The following TAOK3 variants were observed in gnomAD, a reference collection of about 807,000 sequenced individuals.
TAOK3 encodes TAO kinase 3.
A neutral mutation model predicts 120.4 loss-of-function variants in TAOK3; 40 were observed. The ratio of observed to expected loss-of-function variants is 0.33; its 90% CI spans 0.26 to 0.43. The LOEUF is 0.43. Ranked by LOEUF, TAOK3 falls within the 20% of genes least tolerant of loss-of-function variation. TAOK3 has a pLI of 1.00. For missense variants in TAOK3, 821 were observed against 1,112.1 expected (o/e 0.74, Z 3.72); for synonymous variants, 355 against 387.5 (o/e 0.92, Z 0.99).
intron 13 of TAOK3, among the ~76,000 whole-genome samples, chr12:118,194,612 C>CTTTTTTT (rs58866768): frequency 2.0e-5 from 2 of 98,172 alleles, no homozygotes; most frequent in African/African-American, 7.4e-5. Flanking sequence ...AAGGACATTT[C>CTTTTTTT]TTTTTTTTTT....
intron 1 of TAOK3, among the ~76,000 whole-genome samples, chr12:118,340,977 C>T (rs1310238314): frequency 6.6e-6 from 1 of 151,054 alleles, no homozygotes; most frequent in Non-Finnish European, 1.5e-5. Context: ...ATTAACTCTA[C>T]CATTAATATA....
intron 14 of TAOK3, among the ~76,000 whole-genome samples, chr12:118,188,885 T>C (rs543088565): frequency 1.3e-5 from 2 of 152,174 alleles, no homozygotes; most frequent in South Asian, 4.1e-4. Context: ...AAGCAAAAGA[T>C]TAAAGAGAGT....
intron 1 of TAOK3, among the ~76,000 whole-genome samples, chr12:118,311,938 A>G (rs2043279708): frequency 6.6e-6 from 1 of 152,186 alleles, no homozygotes; most frequent in South Asian, 2.1e-4. Context: ...AAATAAAACC[A>G]CTAATGAAAT....
intron 14 of TAOK3, among the ~76,000 whole-genome samples, chr12:118,188,988 G>T (rs1327771856): frequency 1.3e-5 from 2 of 152,168 alleles, no homozygotes; most frequent in Non-Finnish European, 2.9e-5. Flanking sequence ...AGGGGAGGAG[G>T]CATGAAAACT....
intron 9 of TAOK3, among the ~76,000 whole-genome samples, chr12:118,225,245 T>G (rs1321679978): frequency 2.6e-5 from 1 of 38,064 alleles, no homozygotes; most frequent in East Asian, 7.7e-4. Flanking sequence ...CGAGACTGTC[T>G]CAAAAAAAAA....
chr12:118,301,835 C>G (rs1240364838), intron 1 of TAOK3, among the ~76,000 whole-genome samples: 2 of 133,300 alleles, frequency 1.5e-5, no homozygotes, highest in Non-Finnish European at 3.1e-5. Context: ...GAGTGAGACT[C>G]CATCTCAAAA....
At chr12:118,181,286 A>G (rs1593065662) in intron 15 of TAOK3, 85 bp downstream of exon 15, 1 of 1,174,850 alleles carries the variant, frequency 8.5e-7, no homozygotes, top group Admixed American at 2.0e-5. Flanking sequence ...TCCATCCCCC[A>G]CTCCTGCCTC....
In TAOK3 at chr12:118,240,391, C is replaced by A. The variant is rs1388596208; in HGVS notation, c.295-1119G>T. ...ACGGGGTTTCTCCATGTTGGTCAGG[C>A]TGGTCTCAAACTCCTGACCTCAGGT... On this transcript the variant is annotated intron_variant, in intron 5 of 20. Transcript: ENST00000392533. Among the ~76,000 whole-genome samples the A allele has an allele frequency of 2.0e-5, 3 of 152,030 alleles. No individual in the cohort carries two copies. In the East Asian group the frequency reaches 5.8e-4, roughly 29 times the overall value.
At chr12:118,203,704 CAAAAAAA>C (rs35135077) in intron 11 of TAOK3, among the ~76,000 whole-genome samples, 1 of 127,132 alleles carries the variant, frequency 7.9e-6, no homozygotes, top group Non-Finnish European at 1.6e-5. Context: ...AACTCCATCT[CAAAAAAA>C]AAAAAAAAAG....
intron 9 of TAOK3, among the ~76,000 whole-genome samples, chr12:118,231,968 AT>A (rs1212803880): frequency 6.6e-6 from 1 of 152,030 alleles, no homozygotes; most frequent in Non-Finnish European, 1.5e-5. Flanking sequence ...TTAAAAACTG[AT>A]TTTTTAAAAA....
intron 11 of TAOK3, among the ~76,000 whole-genome samples, chr12:118,205,562 T>A (rs1485600071): frequency 6.6e-6 from 1 of 152,078 alleles, no homozygotes; most frequent in Admixed American, 6.6e-5. Context: ...CTTTCTAAAA[T>A]ACAGGTATGA....
At chr12:118,245,573 CT>C (rs1343620014) in intron 3 of TAOK3, among the ~76,000 whole-genome samples, 3 of 152,158 alleles carry the variant, frequency 2.0e-5, no homozygotes, top group African/African-American at 7.2e-5. Context: ...CCGCCTCAGC[CT>C]CCCAAAGTGC....
At chr12:118,177,499 C>CA (rs199778098) in intron 15 of TAOK3, among the ~76,000 whole-genome samples, 170 bp from the exon 16 acceptor site, 410 of 142,520 alleles carry the variant, frequency 2.9e-3, no homozygotes, top group Middle Eastern at 0.022. Flanking sequence ...TAAAGAAACA[C>CA]AAAAAAAAAA....
At chr12:118,214,517 T>A (rs1359745296) in intron 9 of TAOK3, among the ~76,000 whole-genome samples, 1 of 151,640 alleles carries the variant, frequency 6.6e-6, no homozygotes, top group Non-Finnish European at 1.5e-5. Context: ...TCATATTCAC[T>A]TAAAAAAGTC....
intron 1 of TAOK3, among the ~76,000 whole-genome samples, chr12:118,296,561 G>GT (rs970555251): frequency 6.6e-6 from 1 of 152,126 alleles, no homozygotes; most frequent in Non-Finnish European, 1.5e-5. Context: ...TAATTAAATA[G>GT]TTGACTGACA....
rs568198964 is a variant in TAOK3, at chr12:118,182,512, T to G, written c.1330-905A>C. 7.3e-5 allele frequency among the ~76,000 whole-genome samples: 11 copies of G among 151,056 alleles called. No individual in the cohort carries two copies. In the South Asian group the frequency reaches 2.1e-3, roughly 29 times the overall value. On this transcript the variant is annotated intron_variant, in intron 14 of 20. Transcript: ENST00000392533. ...TGACAATGAAAAGTATCTCCAGATA[T>G]TGCCAAATGTTCCCTTGGGAACAAA...
At chr12:118,270,180 A>G (rs1237333815) in intron 1 of TAOK3, among the ~76,000 whole-genome samples, 2 of 152,132 alleles carry the variant, frequency 1.3e-5, no homozygotes, top group African/African-American at 4.8e-5. Context: ...TCTCCCCTAA[A>G]TGGCTCACAT....
At position 118,175,471 on chromosome 12, in the gene TAOK3, C is replaced by A. The variant is rs186966739; in HGVS notation, c.1695+1730G>T. Among the ~76,000 whole-genome samples the A allele has an allele frequency of 2.1e-3, 314 of 151,842 alleles. 2 individuals carry two copies. The highest frequency in any genetic ancestry group is 6.7e-3 in the African/African-American group (277 of 41,394). On this transcript the variant is annotated intron_variant, in intron 16 of 20. Transcript: ENST00000392533. ...TGAAACTCTGTTTCTACTAAAAATA[C>A]AAAAAATTAGCTGGGCATGGTGGTG...
chr12:118,370,523 A>C (rs1190863437), intron 1 of TAOK3, among the ~76,000 whole-genome samples: 1 of 152,182 alleles, frequency 6.6e-6, no homozygotes, highest in Non-Finnish European at 1.5e-5. Context: ...ATTCCTCACT[A>C]TTTTCCTAAA....
Sources: allele counts gnomAD v4.1 joint callset (sites outside exome capture counted in the v4.1 genomes callset), GRCh38; gene constraint gnomAD v4.1.1; transcripts MANE v1.5; gene names NCBI Gene and HGNC (gene_info 2026-07-23, HGNC 2026-07-21).